TEX13A: variants seen among roughly 807,000 people sequenced by gnomAD.
The protein encoded by TEX13A is testis-expressed protein 13A.
A neutral mutation model predicts 7.1 loss-of-function variants in TEX13A; 8 were observed. That is an observed-to-expected ratio of 1.12 (90% confidence interval 0.66 to 2.03). The LOEUF (loss-of-function observed/expected upper bound fraction) is 2.03, where lower values mean the gene tolerates loss of function less well. Among genes scored for constraint, TEX13A ranks in the 30% most tolerant of loss-of-function variants. TEX13A has a pLI of 0.00. For missense variants in TEX13A, 362 were observed against 332.2 expected (o/e 1.09, Z -0.70); for synonymous variants, 151 against 134.2 (o/e 1.13, Z -0.87).
chrX:105,220,287 C>T lies in TEX13A; in HGVS notation c.111G>A (p.Glu37=). 2.5e-6 allele frequency: 3 copies of T among 1,211,202 alleles called. No individual in the cohort carries two copies. The highest frequency in any genetic ancestry group is 3.4e-6 in the Non-Finnish European group (3 of 895,222). ...RHTKGPEFYL[E]NISLSWEKVE... Reference sequence around the variant, plus strand: ...CCTTCTCCCAGGATAAGGATATATTCTCAAGATAGAACTCGGGGCCTTTCG... The same window carrying T: ...CCTTCTCCCAGGATAAGGATATATTTTCAAGATAGAACTCGGGGCCTTTCG... The change falls in exon 2 of 3, where the codon GAG becomes GAA. Residue 37 remains glutamate (E), a synonymous_variant. Transcript: ENST00000600991.
Position 105,219,523 on chromosome X carries a change from T to G in TEX13A, c.671A>C (p.Gln224Pro), listed in dbSNP as rs950712366. 2.5e-6 allele frequency: 3 copies of G among 1,208,604 alleles called. No homozygotes were observed. Among genetic ancestry groups the G allele is most frequent in the Non-Finnish European group, 3.4e-6 (3 of 894,898 alleles). ...AGCCCTGGCCTCCACGTGGGGGAAC[T>G]GGGTCTCCATGGGGGCAGCCCCAGC... ...VEAGAAPMET[Q>P]FPHVEARAAS... The change falls in exon 3 of 3, where the codon CAG becomes CCG. Residue 224 changes from glutamine to proline, a missense_variant. Transcript: ENST00000600991.
In TEX13A at chrX:105,219,259, G is replaced by A; in HGVS notation, c.935C>T (p.Ser312Leu). The change falls in exon 3 of 3, where the codon TCA becomes TTA. Residue 312 changes from serine (S) to leucine (L), a missense_variant. Transcript: ENST00000600991. ...YSYSSPFSSF[S>L]DIPTISPPQA... ...TGGAGGGGATATAGTGGGTATGTCT[G>A]AGAAGGAGGAAAAAGGGCTTGAGTA... The A allele has an allele frequency of 8.3e-7, 1 of 1,211,104 alleles. No individual in the cohort carries two copies. Among genetic ancestry groups the A allele is most frequent in the South Asian group, 1.8e-5 (1 of 56,919 alleles).
chrX:105,219,207 C>G lies in TEX13A; in HGVS notation c.987G>C (p.Pro329=), dbSNP rs370613439. ...PPQATVTAPV[P]PQLPSDWEAF... ...CCTCCCAGTCGGAAGGCAGCTGAGG[C>G]GGAACTGGTGCTGTGACTGTTGCTT... Residue 329 remains proline (P), a synonymous_variant, in exon 3 of 3, where the codon CCG becomes CCC. Coordinates refer to ENST00000600991, the MANE Select transcript of TEX13A (RefSeq NM_031274.5). 3 of 1,208,567 alleles carry G rather than the reference C, an allele frequency of 2.5e-6. No homozygotes were observed. The highest frequency in any genetic ancestry group is 1.1e-6 in the Non-Finnish European group (1 of 894,688).
Position 105,220,076 on chromosome X carries a change from C to A in TEX13A, c.322G>T (p.Ala108Ser). The change falls in exon 2 of 3, where the codon GCA (alanine) becomes TCA (serine). Residue 108 changes from alanine to serine, a missense_variant. By Grantham distance (99) the Ala-to-Ser change is moderately conservative. Transcript: ENST00000600991. Reference sequence around the variant, plus strand: ...TCCCTGAGCTTCTTCAGGTCTGATGCCAAGGCCTGTGCGGCTGATTTGTGC... The same window carrying A: ...TCCCTGAGCTTCTTCAGGTCTGATGACAAGGCCTGTGCGGCTGATTTGTGC... Reference protein sequence around the residue: ...KLHKSAAQALASDLKKLREQQ... With the variant: ...KLHKSAAQALSSDLKKLREQQ... 8.3e-7 allele frequency: 1 copy of A among 1,211,718 alleles called. No individual in the cohort carries two copies. Among genetic ancestry groups the A allele is most frequent in the Non-Finnish European group, 1.1e-6 (1 of 895,303 alleles).
rs1434892669 is a variant in TEX13A at position 105,220,052 on chromosome X, C to G, written c.346G>C (p.Glu116Gln). The change falls in exon 2 of 3, where the codon GAG becomes CAG. Residue 116 changes from glutamate to glutamine, a missense_variant. By Grantham distance (29) the Glu-to-Gln change is conservative (BLOSUM62 2). Coordinates refer to ENST00000600991, the MANE Select transcript of TEX13A (RefSeq NM_031274.5). ...TCCTTGCGTTCCGTCTCCTGCTGCT[C>G]CCTGAGCTTCTTCAGGTCTGATGCC... is the stretch of plus-strand genomic sequence containing the variant. ...ALASDLKKLREQQETERKEAA... is the reference protein window; with the variant it reads ...ALASDLKKLRQQQETERKEAA... 4 of 1,210,473 alleles carry G rather than the reference C, an allele frequency of 3.3e-6. No individual in the cohort carries two copies. In the African/African-American group the frequency reaches 7.0e-5, roughly 21 times the overall value.
At position 105,219,758 on chromosome X, in the gene TEX13A, C is replaced by A; in HGVS notation, c.436G>T (p.Glu146Ter). 8.3e-7 allele frequency: 1 copy of A among 1,201,162 alleles called. No individual in the cohort carries two copies. Residue 146 changes from glutamate (E) to a stop codon, truncating the protein, a stop_gained and splice_region_variant, in exon 3 of 3, where the codon GAG becomes TAG. Transcript: ENST00000600991. LOFTEE classifies it low-confidence loss of function (END_TRUNC). ...LVEVQKERDK[E>*]LVSPHEWEQG... The stretch of plus-strand genomic sequence containing the variant: ...TCCCACTCATGGGGAGACACCAGCT[C>A]CTGGAGAGAAGTGGGCAGGGCTGAG...
chrX:105,219,804 G>C (rs1556177754), intron 2 of TEX13A, 46 bp from the exon 3 acceptor site: 1 of 1,142,278 alleles, frequency 8.8e-7, no homozygotes, highest in African/African-American at 1.8e-5. Context: ...GGGGCAAGGC[G>C]GGAGCACTAA....
In TEX13A at chrX:105,219,504, G is replaced by C. The variant is rs782698296; in HGVS notation, c.690C>G (p.Ala230=). The part of the protein sequence containing the change: ...PMETQFPHVE[A]RAASMETTEK... ...CTGTGGTCTCCATGGAGGCAGCCCT[G>C]GCCTCCACGTGGGGGAACTGGGTCT... The change falls in exon 3 of 3, where the codon GCC becomes GCG. Residue 230 remains alanine (A), a synonymous_variant. Transcript: ENST00000600991. 2 of 1,207,038 alleles carry C rather than the reference G, an allele frequency of 1.7e-6. No individual in the cohort carries two copies. Among genetic ancestry groups the C allele is most frequent in the East Asian group, 3.0e-5 (1 of 33,671 alleles).
In TEX13A at chrX:105,219,974, CTT is replaced by C. The variant is rs782139873; in HGVS notation, c.422_423del (p.Lys141ArgfsTer11). On this transcript the variant is annotated frameshift_variant, in exon 2 of 3. Transcript: ENST00000600991. LOFTEE classifies it low-confidence loss of function (END_TRUNC). ...MAQTSLVEVQ[K>X]ERDKELVSPH... ...GGCTTCCAACTCACCTTGTCTCTCT[CTT>C]TCTGCACCTCCACGAGGCTGGTCTG... 8.3e-7 allele frequency: 1 copy of C among 1,200,195 alleles called. No individual in the cohort carries two copies.
rs782336037 is a variant in TEX13A at position 105,219,954 on chromosome X, C to T, written c.435+9G>A. 2 of 1,189,378 alleles carry T rather than the reference C, an allele frequency of 1.7e-6. No individual in the cohort carries two copies. The highest frequency in any genetic ancestry group is 2.3e-6 in the Non-Finnish European group (2 of 884,405). ...GGGATCTTACTGCATGGAGCGGCTT[C>T]CAACTCACCTTGTCTCTCTCTTTCT... On this transcript the variant is annotated intron_variant, in intron 2 of 2. Transcript: ENST00000600991.
rs1350972497 is a variant in TEX13A, at chrX:105,219,945, G to T, written c.435+18C>A. 1 of 1,182,849 alleles carries T rather than the reference G, an allele frequency of 8.5e-7. No individual in the cohort carries two copies. The highest frequency in any genetic ancestry group is 1.1e-6 in the Non-Finnish European group (1 of 880,259). ...ACCAGTTGAGGGATCTTACTGCATG[G>T]AGCGGCTTCCAACTCACCTTGTCTC... On this transcript the variant is annotated intron_variant, in intron 2 of 2. Coordinates refer to ENST00000600991, the MANE Select transcript of TEX13A (RefSeq NM_031274.5).
Position 105,219,421 on chromosome X carries a change from G to T in TEX13A, c.773C>A (p.Thr258Asn). The change falls in exon 3 of 3, where the codon ACC (threonine) becomes AAC (asparagine). Residue 258 changes from threonine (T) to asparagine (N), a missense_variant. By Grantham distance (65) the Thr-to-Asn change is moderately conservative. Coordinates refer to ENST00000600991, the MANE Select transcript of TEX13A (RefSeq NM_031274.5). Reference protein sequence around the residue: ...LLGDADQEKYTYWGQKEGDLR... With the variant: ...LLGDADQEKYNYWGQKEGDLR... ...ATCTCCCTCCTTCTGCCCCCAATAG[G>T]TGTACTTTTCCTGATCAGCATCTCC... 8.3e-7 allele frequency: 1 copy of T among 1,210,115 alleles called. No individual in the cohort carries two copies. The highest frequency in any genetic ancestry group is 1.8e-5 in the South Asian group (1 of 56,794).
intron 2 of TEX13A, 44 bp downstream of exon 2, chrX:105,219,919 G>A (rs2090595662): frequency 8.7e-7 from 1 of 1,144,424 alleles, no homozygotes; most frequent in East Asian, 3.0e-5. Context: ...ACTGGGCAGG[G>A]ACCAGTTGAG....
In TEX13A at chrX:105,219,389, A is replaced by G; in HGVS notation, c.805T>C (p.Ser269Pro). The change falls in exon 3 of 3, where the codon TCG (serine) becomes CCG (proline). Residue 269 changes from serine to proline, a missense_variant. Transcript: ENST00000600991. ...AAATAAGATGTGGCTGTTTCGACCGACCGGAGATCTCCCTCCTTCTGCCCC... is the reference window on the plus strand; with the variant it reads ...AAATAAGATGTGGCTGTTTCGACCGGCCGGAGATCTCCCTCCTTCTGCCCC... ...YWGQKEGDLR[S>P]VETATSYFSG... The G allele has an allele frequency of 1.7e-6, 2 of 1,210,615 alleles. No homozygotes were observed. The highest frequency in any genetic ancestry group is 2.2e-6 in the Non-Finnish European group (2 of 895,148).
chrX:105,219,831 CTACCAGG>C lies in TEX13A; in HGVS notation c.436-80_436-74del, dbSNP rs1165355293. 1.7e-5 allele frequency: 19 copies of C among 1,097,540 alleles called. No individual in the cohort carries two copies. The African/African-American group carries it at 3.3e-4, about 19-fold the overall frequency. The allele number at this position is 1,097,540 out of a possible 1,213,427, so 90.4% of individuals were successfully genotyped here. A position where few individuals can be genotyped will look rare whatever the true frequency, so the allele number is the denominator to read the frequency against. On this transcript the variant is annotated intron_variant, in intron 2 of 2. Transcript: ENST00000600991. ...GAGCACTAAGCAGGGTAGGACGGAG[CTACCAGG>C]TGGGAAGGGCGGGGCAGGGCGAAGC...
rs2033907914 is a variant in TEX13A at position 105,219,196 on chromosome X, GGC to G, written c.996_997del (p.Pro333PhefsTer7). 2.5e-6 allele frequency: 3 copies of G among 1,208,755 alleles called. No homozygotes were observed. Among genetic ancestry groups the G allele is most frequent in the African/African-American group, 3.5e-5 (2 of 56,853 alleles). On this transcript the variant is annotated frameshift_variant, in exon 3 of 3. Coordinates refer to ENST00000600991, the MANE Select transcript of TEX13A (RefSeq NM_031274.5). LOFTEE classifies it low-confidence loss of function (END_TRUNC). ...AGTATCAAAGGCCTCCCAGTCGGAA[GGC>G]AGCTGAGGCGGAACTGGTGCTGTGA...
At chrX:105,219,936 T>TA in intron 2 of TEX13A, 27 bp downstream of exon 2, 2 of 1,173,195 alleles carry the variant, frequency 1.7e-6, no homozygotes, top group South Asian at 3.8e-5. Context: ...TGAGGGATCT[T>TA]ACTGCATGGA....
At position 105,220,176 on chromosome X, in the gene TEX13A, C is replaced by T. The variant is rs1345430318; in HGVS notation, c.222G>A (p.Leu74=). 2 of 1,209,854 alleles carry T rather than the reference C, an allele frequency of 1.7e-6. No individual in the cohort carries two copies. The highest frequency in any genetic ancestry group is 2.2e-6 in the Non-Finnish European group (2 of 894,822). The change falls in exon 2 of 3, where the codon TTG becomes TTA. Residue 74 remains leucine, a synonymous_variant. Coordinates refer to ENST00000600991, the MANE Select transcript of TEX13A (RefSeq NM_031274.5). ...KEACTWGSLA[L]GVRFAHRQAQ... is the part of the protein sequence containing the mutation. ...CCTGCCTGTGGGCAAAGCGCACTCC[C>T]AAGGCCAGGCTGCCCCAGGTGCAGG...
In TEX13A at chrX:105,220,422, C is replaced by T. The variant is rs1556180233; in HGVS notation, c.-25G>A. The T allele has an allele frequency of 1.7e-6, 2 of 1,144,564 alleles. No homozygotes were observed. Among genetic ancestry groups the T allele is most frequent in the South Asian group, 4.2e-5 (2 of 48,052 alleles). The allele number at this position is 1,144,564 out of a possible 1,213,427, so 94.3% of individuals were successfully genotyped here. A position where few individuals can be genotyped will look rare whatever the true frequency, so the allele number is the denominator to read the frequency against. On this transcript the variant is annotated 5_prime_UTR_variant, in exon 2 of 3. Transcript: ENST00000600991. ...TGATCGCCTAGGGGTTTAACGGTTT[C>T]ACTAGCCCTGTGTGGATGGAGCAGC...
Sources: gnomAD v4.1 joint callset for allele counts on GRCh38, gnomAD v4.1.1 for gene constraint, MANE v1.5 for transcripts, NCBI Gene and HGNC (gene_info 2026-07-23, HGNC 2026-07-21) for gene names.